Variants in TNC observed in about 807,000 individuals in gnomAD.
The protein encoded by TNC is tenascin C.
In TNC, 109 loss-of-function variants were observed where a neutral mutation model predicts 202.4. That is an observed-to-expected ratio of 0.54 (90% CI 0.46 to 0.63). TNC has a LOEUF of 0.63. Among genes scored for constraint, TNC ranks in the 30% least tolerant of loss-of-function variants. The pLI is 0.00. For synonymous variants in TNC, 1,007 were observed against 1,089.7 expected (o/e 0.92, Z 1.50); for missense variants, 2,756 against 2,833.3 (o/e 0.97, Z 0.62).
intron 1 of TNC, 99 bp downstream of exon 1, chr9:115,117,883 T>A (rs547224070): frequency 6.6e-6 from 1 of 152,236 alleles, no homozygotes; most frequent in East Asian, 1.9e-4. Context: ...AAACCCCATA[T>A]GTTTTGTAAT....
chr9:115,094,867 G>GTGTGTGTC (rs1554720502), intron 1 of TNC, among the ~76,000 whole-genome samples: 27 of 140,388 alleles, frequency 1.9e-4, no homozygotes, highest in Middle Eastern at 3.6e-3. Flanking sequence ...GTGTGTGTGT[G>GTGTGTGTC]TGTGCGTTTA....
chr9:115,106,349 T>C (rs1350162847), intron 1 of TNC, among the ~76,000 whole-genome samples: 2 of 152,204 alleles, frequency 1.3e-5, no homozygotes, highest in Non-Finnish European at 2.9e-5. Context: ...ATGCTCTTTC[T>C]GCTATATCAA....
At chr9:115,087,912 C>A (rs2133557481) in intron 2 of TNC, among the ~76,000 whole-genome samples, 1 of 152,094 alleles carries the variant, frequency 6.6e-6, no homozygotes, top group East Asian at 1.9e-4. Flanking sequence ...ACCATGTTAG[C>A]CAGGATGGTC....
Position 115,062,914 on chromosome 9 carries a change from T to C in TNC, c.4033+3A>G. ...TCTCCAGTCTGGGAGGAGGGTCATATACCTGTGACGACCTCTACAGCAAGG... is the reference window on the plus strand; with the variant it reads ...TCTCCAGTCTGGGAGGAGGGTCATACACCTGTGACGACCTCTACAGCAAGG... On this transcript the variant is annotated splice_donor_region_variant and intron_variant, in intron 13 of 27. Transcript: ENST00000350763. 6.2e-7 allele frequency: 1 copy of C among 1,611,802 alleles called. No homozygotes were observed. Among genetic ancestry groups the C allele is most frequent in the Non-Finnish European group, 8.5e-7 (1 of 1,178,484 alleles).
chr9:115,030,689 G>A (rs1007915686), intron 23 of TNC, among the ~76,000 whole-genome samples: 1 of 152,140 alleles, frequency 6.6e-6, no homozygotes, highest in African/African-American at 2.4e-5. Context: ...TAGTATAAGA[G>A]CATCTTTAGG....
Position 115,063,131 on chromosome 9 carries a change from T to C in TNC, c.3819A>G (p.Arg1273=). 1.2e-6 allele frequency: 2 copies of C among 1,614,180 alleles called. No individual in the cohort carries two copies. The highest frequency in any genetic ancestry group is 1.3e-5 in the African/African-American group (1 of 75,050). ...TTCCATCTGGCGTGGTCCAGTTCAGTCTGAGAGCATCCCAGCTAACCTCGG... is the reference window on the plus strand; with the variant it reads ...TTCCATCTGGCGTGGTCCAGTTCAGCCTGAGAGCATCCCAGCTAACCTCGG... The part of the protein sequence containing the change: ...TVTEVSWDAL[R]LNWTTPDGTY... The change falls in exon 13 of 28, where the codon AGA becomes AGG. Residue 1273 remains arginine, a synonymous_variant. Transcript: ENST00000350763.
Position 115,081,939 on chromosome 9 carries a change from G to C in TNC, c.2248-11C>G, listed in dbSNP as rs764938900. ...CTCATCTTCTTTATTCTGAGAGATA[G>C]AGGCAGCTTGGTAAGAGTTAGGGGA... On this transcript the variant is annotated splice_polypyrimidine_tract_variant and intron_variant, in intron 5 of 27. Transcript: ENST00000350763. 4 of 1,579,912 alleles carry C rather than the reference G, an allele frequency of 2.5e-6. No homozygotes were observed. Among genetic ancestry groups the C allele is most frequent in the Non-Finnish European group, 3.4e-6 (4 of 1,171,620 alleles).
chr9:115,030,640 G>A (rs897915666), intron 23 of TNC, among the ~76,000 whole-genome samples: 1 of 152,190 alleles, frequency 6.6e-6, no homozygotes, highest in Non-Finnish European at 1.5e-5. Context: ...TTCATCTGAG[G>A]TTGTATCATG....
At chr9:115,103,919 T>C (rs1836420234) in intron 1 of TNC, among the ~76,000 whole-genome samples, 1 of 152,214 alleles carries the variant, frequency 6.6e-6, no homozygotes, top group African/African-American at 2.4e-5. Context: ...ATGAGATTCA[T>C]ATTTGTGGTT....
chr9:115,084,315 C>T lies in TNC; in HGVS notation c.2025G>A (p.Thr675=), dbSNP rs150977004. The T allele has an allele frequency of 7.0e-4, 1,135 of 1,614,160 alleles. No individual in the cohort carries two copies. The highest frequency in any genetic ancestry group is 9.1e-4 in the Non-Finnish European group (1,077 of 1,180,022). ...EMQFRVPGDQ[T]STIIQELEPG... ...GCTCCAGCTCCTGGATGATGGTGGACGTCTGGTCCCCAGGCACACGGAACT... is the reference window on the plus strand; with the variant it reads ...GCTCCAGCTCCTGGATGATGGTGGATGTCTGGTCCCCAGGCACACGGAACT... The change falls in exon 4 of 28, where the codon ACG becomes ACA. Residue 675 remains threonine (T), a synonymous_variant. Coordinates refer to ENST00000350763, the MANE Select transcript of TNC (RefSeq NM_002160.4).
intron 1 of TNC, among the ~76,000 whole-genome samples, chr9:115,094,880 T>C (rs931211823): frequency 6.8e-6 from 1 of 147,942 alleles, no homozygotes; most frequent in Non-Finnish European, 1.5e-5. Flanking sequence ...TGCGTTTATG[T>C]GCTGGGGATG....
chr9:115,107,369 A>G (rs191279684), intron 1 of TNC, among the ~76,000 whole-genome samples: 14 of 152,326 alleles, frequency 9.2e-5, no homozygotes, highest in Non-Finnish European at 1.3e-4. Context: ...CTGCCACCCT[A>G]TGGTTTGCTA....
At chr9:115,047,240 C>CT (rs397975455) in intron 16 of TNC, among the ~76,000 whole-genome samples, 33,376 of 107,064 alleles carry the variant, frequency 0.31, 5,567 homozygotes, top group Middle Eastern at 0.38. Flanking sequence ...CTACCCTTGA[C>CT]TTTTTTTTTT....
chr9:115,109,140 C>G (rs778538307), intron 1 of TNC, among the ~76,000 whole-genome samples: 1 of 152,168 alleles, frequency 6.6e-6, no homozygotes, highest in Non-Finnish European at 1.5e-5. Flanking sequence ...TTAGGTGATT[C>G]CCATGAGAAT....
rs1183038330 is a variant in TNC at position 115,108,539 on chromosome 9, C to T, written c.-137+9443G>A. Reference sequence around the variant, plus strand: ...ATCTAAAAGAGCACTCCTCTCACCACCAGTCATTGTTTATGCCCTTACCTT... The same window carrying T: ...ATCTAAAAGAGCACTCCTCTCACCATCAGTCATTGTTTATGCCCTTACCTT... On this transcript the variant is annotated intron_variant, in intron 1 of 27. Transcript: ENST00000350763. Among the ~76,000 whole-genome samples, 13 of 152,300 alleles carry T rather than the reference C, an allele frequency of 8.5e-5. No homozygotes were observed. The East Asian group carries it at 2.3e-3, about 27-fold the overall frequency.
intron 10 of TNC, among the ~76,000 whole-genome samples, chr9:115,073,249 G>A (rs1215288441): frequency 6.6e-6 from 1 of 152,100 alleles, no homozygotes; most frequent in East Asian, 1.9e-4. Flanking sequence ...TTAATTATTA[G>A]GCTAAAAGAA....
rs1332381583 is a variant in TNC, at chr9:115,081,752, G to C, written c.2404+20C>G. ...TACAATCAGCCTTATCATTCTATAA[G>C]TATTAAAGGTGATACTCACGTGTGG... On this transcript the variant is annotated intron_variant, in intron 6 of 27. Coordinates refer to ENST00000350763, the MANE Select transcript of TNC (RefSeq NM_002160.4). 6.2e-7 allele frequency: 1 copy of C among 1,613,666 alleles called. No individual in the cohort carries two copies. Among genetic ancestry groups the C allele is most frequent in the African/African-American group, 1.3e-5 (1 of 75,034 alleles).
intron 1 of TNC, among the ~76,000 whole-genome samples, chr9:115,094,815 C>CTG (rs1835496380): frequency 1.5e-4 from 19 of 125,302 alleles, no homozygotes; most frequent in East Asian, 1.2e-3. Context: ...GAACAAGTGC[C>CTG]TCTGTGTGTG....
Position 115,064,810 on chromosome 9 carries a change from C to G in TNC, c.3324G>C (p.Val1108=), listed in dbSNP as rs779102542. Residue 1108 remains valine, a synonymous_variant, in exon 11 of 28, where the codon GTG becomes GTC. Coordinates refer to ENST00000350763, the MANE Select transcript of TNC (RefSeq NM_002160.4). ...CTGCCTCCACCTTGTTGGCCTCCTG[C>G]ACCTGAATGATAAAGTGCTCATAGG... ...DQAYEHFIIQ[V]QEANKVEAAR... The G allele has an allele frequency of 3.1e-6, 5 of 1,614,046 alleles. No homozygotes were observed. The African/African-American group carries it at 5.3e-5, about 17-fold the overall frequency.
Sources: gnomAD v4.1 joint callset for allele counts (sites outside exome capture counted in the v4.1 genomes callset) on GRCh38, gnomAD v4.1.1 for gene constraint, MANE v1.5 for transcripts, NCBI Gene and HGNC (gene_info 2026-07-23, HGNC 2026-07-21) for gene names.